Variants in SLFN12L observed in about 807,000 individuals in gnomAD.
SLFN12L encodes schlafen family member 12-like.
In SLFN12L, 34 loss-of-function variants were observed where a neutral mutation model predicts 34.8. That is an observed-to-expected ratio of 0.98 (90% CI 0.74 to 1.30). SLFN12L has a LOEUF of 1.30. Ranked by LOEUF, SLFN12L falls within the 50% of genes most tolerant of loss-of-function variation. SLFN12L has a pLI of 0.00. For synonymous variants in SLFN12L, 259 were observed against 247.5 expected (o/e 1.05, Z -0.44); for missense variants, 703 against 696.2 (o/e 1.01, Z -0.11).
Position 35,537,629 on chromosome 17 carries a change from G to A in SLFN12L, c.-662C>T, listed in dbSNP as rs1168242951. The A allele has an allele frequency of 6.6e-6, 1 of 152,264 alleles. No homozygotes were observed. The highest frequency in any genetic ancestry group is 1.5e-5 in the Non-Finnish European group (1 of 68,088). 9.4% of individuals were successfully genotyped at this position (152,264 alleles called of 1,614,324 possible). A position where few individuals can be genotyped will look rare whatever the true frequency, so the allele number is the denominator to read the frequency against. ...ATGCTGAAAAGATGAGAAAGTTCCA[G>A]GAGCTCTGATCTACTTAGGAGTCCC... is the stretch of plus-strand genomic sequence containing the variant. On this transcript the variant is annotated 5_prime_UTR_variant, in exon 1 of 5. Coordinates refer to ENST00000628453, the MANE Select transcript of SLFN12L (RefSeq NM_001363830.2).
At chr17:35,482,866 G>T (rs1026047927) in intron 2 of SLFN12L, among the ~76,000 whole-genome samples, 2 of 152,158 alleles carry the variant, frequency 1.3e-5, no homozygotes, top group Admixed American at 1.3e-4. Flanking sequence ...GGGACTTGTG[G>T]TGCCTCTTCT....
intron 2 of SLFN12L, among the ~76,000 whole-genome samples, chr17:35,519,572 CT>C (rs1181624494): frequency 6.6e-6 from 1 of 152,194 alleles, no homozygotes; most frequent in East Asian, 1.9e-4. Context: ...TACATCCTCT[CT>C]CCCCACATCA....
Position 35,474,908 on chromosome 17 carries a change from G to A in SLFN12L, c.*15C>T. 1 of 1,527,568 alleles carries A rather than the reference G, an allele frequency of 6.5e-7. No individual in the cohort carries two copies. Among genetic ancestry groups the A allele is most frequent in the Non-Finnish European group, 8.8e-7 (1 of 1,138,524 alleles). 94.6% of individuals were successfully genotyped at this position (1,527,568 alleles called of 1,614,324 possible). A position where few individuals can be genotyped will look rare whatever the true frequency, so the allele number is the denominator to read the frequency against. On this transcript the variant is annotated 3_prime_UTR_variant, in exon 5 of 5. Coordinates refer to ENST00000628453, the MANE Select transcript of SLFN12L (RefSeq NM_001363830.2). Reference sequence around the variant, plus strand: ...ATCGTGTCACTACACTCCAGTCTGGGTGACAGAGTGAGACTCATCTCAAGA... The same window carrying A: ...ATCGTGTCACTACACTCCAGTCTGGATGACAGAGTGAGACTCATCTCAAGA...
At chr17:35,487,846 A>G in intron 2 of SLFN12L, 1 of 1,242,626 alleles carries the variant, frequency 8.0e-7, no homozygotes, top group East Asian at 2.5e-5. Flanking sequence ...TCTATCGGGC[A>G]CTCGACTCCC....
At chr17:35,535,460 G>C (rs1229159049) in intron 1 of SLFN12L, among the ~76,000 whole-genome samples, 1 of 150,258 alleles carries the variant, frequency 6.7e-6, no homozygotes, top group African/African-American at 2.5e-5. Flanking sequence ...GGCTCCCAAA[G>C]TGCTGGGATT....
At position 35,478,076 on chromosome 17, in the gene SLFN12L, T is replaced by C; in HGVS notation, c.1275A>G (p.Pro425=). 2 of 1,526,632 alleles carry C rather than the reference T, an allele frequency of 1.3e-6. No homozygotes were observed. The highest frequency in any genetic ancestry group is 1.8e-6 in the Non-Finnish European group (2 of 1,126,130). The allele number at this position is 1,526,632 out of a possible 1,614,324, so 94.6% of individuals were successfully genotyped here. ...FKIQPLRYHL[P]GLSEKITCAP... The stretch of plus-strand genomic sequence containing the variant: ...CCACGGAAGCCAGAATTAAATTACC[T>C]GGAAGGTGATATCTCAGTGGCTGAA... Residue 425 remains proline (P), a splice_region_variant and synonymous_variant, in exon 4 of 5, where the codon CCA becomes CCG. Transcript: ENST00000628453.
intron 2 of SLFN12L, among the ~76,000 whole-genome samples, chr17:35,505,268 A>C (rs557314984): frequency 6.6e-6 from 1 of 152,042 alleles, no homozygotes; most frequent in South Asian, 2.1e-4. Flanking sequence ...TTAACACTAT[A>C]TGTGTCAGAG....
At chr17:35,482,266 G>A (rs184733881) in intron 2 of SLFN12L, among the ~76,000 whole-genome samples, 32 of 152,348 alleles carry the variant, frequency 2.1e-4, no homozygotes, top group African/African-American at 7.2e-4. Flanking sequence ...CATGATGGGC[G>A]TTTGGGAGGT....
At chr17:35,501,306 C>A (rs1026296403) in intron 2 of SLFN12L, among the ~76,000 whole-genome samples, 8 of 152,240 alleles carry the variant, frequency 5.3e-5, no homozygotes, top group Non-Finnish European at 8.8e-5. Flanking sequence ...CCAGGAGGAA[C>A]TGGCACTTGG....
At chr17:35,517,579 CCA>C (rs1915871783) in intron 2 of SLFN12L, among the ~76,000 whole-genome samples, 1 of 152,100 alleles carries the variant, frequency 6.6e-6, no homozygotes, top group African/African-American at 2.4e-5. Context: ...AAAAAAGAGC[CCA>C]TATAGCCAAG....
intron 1 of SLFN12L, among the ~76,000 whole-genome samples, chr17:35,537,029 A>T (rs779432460): frequency 6.6e-6 from 1 of 152,016 alleles, no homozygotes; most frequent in Admixed American, 6.6e-5. Flanking sequence ...GAAAAAAATT[A>T]GCCAGGCACC....
chr17:35,530,115 G>GTT (rs2072376718), intron 1 of SLFN12L, among the ~76,000 whole-genome samples: 1 of 122,394 alleles, frequency 8.2e-6, no homozygotes, highest in Non-Finnish European at 1.7e-5. Context: ...TGACTGCTTT[G>GTT]TCTTTTTTTT....
intron 1 of SLFN12L, among the ~76,000 whole-genome samples, chr17:35,526,567 C>T (rs1471298790): frequency 6.6e-6 from 1 of 152,190 alleles, no homozygotes; most frequent in Non-Finnish European, 1.5e-5. Context: ...CTCAAAACCA[C>T]ATAACTACAT....
chr17:35,486,545 T>G (rs149258262), intron 2 of SLFN12L, among the ~76,000 whole-genome samples: 1 of 152,216 alleles, frequency 6.6e-6, no homozygotes, highest in African/African-American at 2.4e-5. Flanking sequence ...CTTTCCATGG[T>G]TCAAAACCTC....
chr17:35,530,078 T>C (rs928669353), intron 1 of SLFN12L, among the ~76,000 whole-genome samples: 16 of 150,196 alleles, frequency 1.1e-4, no homozygotes. Context: ...CTGTCACGTC[T>C]TTTGGTACCC....
rs984290856 is a variant in SLFN12L, at chr17:35,470,923, G to C, written c.*4000C>G. On this transcript the variant is annotated 3_prime_UTR_variant, in exon 5 of 5. Transcript: ENST00000628453. ...GAGAACATGTAGTGTTTCATTTTCT[G>C]TTCCCATGTTAGTTTGCTGAGGATG... Among the ~76,000 whole-genome samples the C allele has an allele frequency of 1.3e-5, 2 of 151,784 alleles. No homozygotes were observed. Among genetic ancestry groups the C allele is most frequent in the South Asian group, 2.1e-4 (1 of 4,808 alleles).
intron 2 of SLFN12L, among the ~76,000 whole-genome samples, chr17:35,497,204 A>C (rs554755915): frequency 8.5e-5 from 13 of 152,172 alleles, no homozygotes; most frequent in Non-Finnish European, 1.5e-4. Flanking sequence ...CAGCCTGGCC[A>C]ACATAGCGAA....
chr17:35,490,834 T>G, intron 2 of SLFN12L: 1 of 1,189,098 alleles, frequency 8.4e-7, no homozygotes, highest in Non-Finnish European at 1.3e-6. Context: ...ACAAATACAT[T>G]TGGCAGGTAC....
intron 2 of SLFN12L, among the ~76,000 whole-genome samples, chr17:35,497,811 C>T (rs1009116661): frequency 2.0e-5 from 3 of 152,144 alleles, no homozygotes; most frequent in African/African-American, 7.2e-5. Context: ...ACTTCAGAAG[C>T]ATTAAATTTG....
Sources: gnomAD v4.1 joint callset for allele counts (sites outside exome capture counted in the v4.1 genomes callset) on GRCh38, gnomAD v4.1.1 for gene constraint, MANE v1.5 for transcripts, NCBI Gene and HGNC (gene_info 2026-07-23, HGNC 2026-07-21) for gene names.